The following PDE3A variants were observed in gnomAD, a reference collection of about 807,000 sequenced individuals.
PDE3A encodes the protein cGMP-inhibited 3',5'-cyclic phosphodiesterase 3A.
Under a neutral mutation model 98.3 loss-of-function variants are expected in PDE3A, and 43 were observed. The ratio of observed to expected loss-of-function variants is 0.44; its 90% CI spans 0.34 to 0.56. The LOEUF (loss-of-function observed/expected upper bound fraction) is 0.56. PDE3A is among the 20% of genes least tolerant of loss of function. The probability of loss-of-function intolerance (pLI) is 0.01; values close to 1 mark genes in which losing one functional copy is unlikely to be tolerated. For missense variants in PDE3A, 1,427 were observed against 1,440.7 expected, an observed-to-expected ratio of 0.99 and a Z score of 0.15; for synonymous variants, 663 against 567.9, an observed-to-expected ratio of 1.17 and a Z score of -2.38.
chr12:20,406,410 G>T (rs1483914140), intron 1 of PDE3A, among the ~76,000 whole-genome samples: 1 of 152,210 alleles, frequency 6.6e-6, no homozygotes, highest in Admixed American at 6.5e-5. Context: ...CTTTTTGGTA[G>T]TATCCATCCT....
chr12:20,679,966 C>T (rs527777961), intron 15 of PDE3A, 64 bp from the exon 16 acceptor site: 20 of 1,113,146 alleles, frequency 1.8e-5, no homozygotes, highest in East Asian at 1.1e-4. Flanking sequence ...AAAGAGATAA[C>T]GTTCATGTGC....
At chr12:20,589,868 TAAAAAAAAAA>T (rs11362815) in intron 2 of PDE3A, among the ~76,000 whole-genome samples, 2 of 112,398 alleles carry the variant, frequency 1.8e-5, no homozygotes, top group Non-Finnish European at 3.6e-5. Context: ...GACTGCATCT[TAAAAAAAAAA>T]AAAAAAAAAA....
intron 5 of PDE3A, among the ~76,000 whole-genome samples, chr12:20,626,062 AGAT>A (rs1367357321): frequency 6.6e-6 from 1 of 152,156 alleles, no homozygotes; most frequent in Non-Finnish European, 1.5e-5. Flanking sequence ...ATGTAAAATT[AGAT>A]GAGATTTTCA....
chr12:20,601,419 A>G (rs1474383763), intron 2 of PDE3A, among the ~76,000 whole-genome samples: 1 of 152,158 alleles, frequency 6.6e-6, no homozygotes, highest in African/African-American at 2.4e-5. Flanking sequence ...ATAAACACCC[A>G]TTGCATATGG....
intron 1 of PDE3A, among the ~76,000 whole-genome samples, chr12:20,535,901 C>G (rs1941736935): frequency 6.6e-6 from 1 of 151,962 alleles, no homozygotes; most frequent in African/African-American, 2.4e-5. Flanking sequence ...GATTTACTCA[C>G]AGAAAATAAA....
intron 1 of PDE3A, among the ~76,000 whole-genome samples, chr12:20,549,641 A>AT (rs1397975462): frequency 6.6e-6 from 1 of 151,964 alleles, no homozygotes; most frequent in African/African-American, 2.4e-5. Context: ...TTTCTGTAAC[A>AT]TTTTTTATTA....
At chr12:20,598,112 G>A (rs1211277344) in intron 2 of PDE3A, among the ~76,000 whole-genome samples, 3 of 151,640 alleles carry the variant, frequency 2.0e-5, no homozygotes, top group African/African-American at 7.3e-5. Context: ...TTTATTATTC[G>A]ATTGATGGAA....
At chr12:20,466,504 T>C (rs569224293) in intron 1 of PDE3A, among the ~76,000 whole-genome samples, 3 of 152,310 alleles carry the variant, frequency 2.0e-5, no homozygotes, top group Admixed American at 2.0e-4. Flanking sequence ...TAATGTGATA[T>C]AATGAGTGGT....
chr12:20,603,976 C>T (rs563521344), intron 2 of PDE3A, among the ~76,000 whole-genome samples: 2 of 152,202 alleles, frequency 1.3e-5, no homozygotes, highest in East Asian at 3.9e-4. Context: ...CGAGACCAGC[C>T]TGGCCAACAT....
intron 15 of PDE3A, among the ~76,000 whole-genome samples, chr12:20,673,727 T>G: frequency 7.2e-6 from 1 of 138,024 alleles, no homozygotes; most frequent in South Asian, 2.6e-4. Flanking sequence ...AGGGATAGCA[T>G]TGGGAGATAT....
Position 20,369,909 on chromosome 12 carries a change from A to AGGCTGG in PDE3A, c.627_632dup (p.Leu210_Gly211dup). The AGGCTGG allele has an allele frequency of 6.2e-7, 1 of 1,613,318 alleles. No individual in the cohort carries two copies. The highest frequency in any genetic ancestry group is 2.2e-5 in the East Asian group (1 of 44,818). ...CGCGACATGGCTGGTGCTGAGGCTG[A>AGGCTGG]GGCTGGGCGTCCTCATGATCGCCTT... On this transcript the variant is annotated inframe_insertion, in exon 1 of 16. Transcript: ENST00000359062.
intron 2 of PDE3A, among the ~76,000 whole-genome samples, chr12:20,557,599 T>A (rs910262719): frequency 2.0e-5 from 3 of 152,198 alleles, no homozygotes; most frequent in Non-Finnish European, 4.4e-5. Flanking sequence ...AGTGGGGGCT[T>A]CTCCCAAGTG....
At chr12:20,493,754 C>T (rs1945869076) in intron 1 of PDE3A, among the ~76,000 whole-genome samples, 1 of 152,202 alleles carries the variant, frequency 6.6e-6, no homozygotes, top group Non-Finnish European at 1.5e-5. Flanking sequence ...CCTCAGCCTA[C>T]CAAGTAGCTG....
In PDE3A at chr12:20,449,755, G is replaced by GA. The variant is rs1591945068; in HGVS notation, c.960+79511_960+79512insA. ...CAGCCTGAAGTGGATGCTCAGGCTG[G>GA]GGGTCATTCACCAGTGCTGTGAGGG... is the stretch of plus-strand genomic sequence containing the variant. On this transcript the variant is annotated intron_variant, in intron 1 of 15. Transcript: ENST00000359062. 3.8e-5 allele frequency: 18 copies of GA among 477,404 alleles called. No homozygotes were observed. The East Asian group carries it at 5.5e-4, about 14-fold the overall frequency. 29.6% of individuals were successfully genotyped at this position (477,404 alleles called of 1,614,324 possible). A position where few individuals can be genotyped will look rare whatever the true frequency, so the allele number is the denominator to read the frequency against.
At chr12:20,521,329 T>G (rs1312065003) in intron 1 of PDE3A, among the ~76,000 whole-genome samples, 1 of 152,108 alleles carries the variant, frequency 6.6e-6, no homozygotes, top group Non-Finnish European at 1.5e-5. Flanking sequence ...AGTGGTAACA[T>G]GAATAATAAG....
At chr12:20,449,626 T>C in intron 1 of PDE3A, 1 of 394,642 alleles carries the variant, frequency 2.5e-6, no homozygotes. Context: ...TGGAGCCAAT[T>C]GTGGCAGATT....
At chr12:20,673,637 G>A (rs1298292651) in intron 15 of PDE3A, among the ~76,000 whole-genome samples, 1 of 149,270 alleles carries the variant, frequency 6.7e-6, no homozygotes, top group Non-Finnish European at 1.5e-5. Context: ...ACTCATAGGT[G>A]GGAATTGAAC....
chr12:20,656,864 C>T (rs961990604), intron 15 of PDE3A, among the ~76,000 whole-genome samples: 1 of 152,172 alleles, frequency 6.6e-6, no homozygotes, highest in Non-Finnish European at 1.5e-5. Context: ...ACTTAACAGG[C>T]TCAACTTGTC....
chr12:20,539,640 G>A (rs1166780190), intron 1 of PDE3A, among the ~76,000 whole-genome samples: 2 of 152,090 alleles, frequency 1.3e-5, no homozygotes, highest in African/African-American at 2.4e-5. Context: ...TTGGATGAAT[G>A]GATAGATGGA....
Sources: allele counts gnomAD v4.1 joint callset (sites outside exome capture counted in the v4.1 genomes callset), GRCh38; gene constraint gnomAD v4.1.1; transcripts MANE v1.5; gene names NCBI Gene and HGNC (gene_info 2026-07-23, HGNC 2026-07-21).